CHCHD6: variants seen among roughly 807,000 people sequenced by gnomAD.
The protein encoded by CHCHD6 is MICOS complex subunit MIC25.
In CHCHD6, 28 loss-of-function variants were observed where a neutral mutation model predicts 32.3. The observed-to-expected ratio is 0.87, with a 90% confidence interval of 0.64 to 1.19. The LOEUF (loss-of-function observed/expected upper bound fraction) is 1.19, where lower values mean the gene tolerates loss of function less well. CHCHD6 is among the 50% of genes most tolerant of loss of function. The probability of loss-of-function intolerance (pLI) is 0.00; values close to 1 mark genes in which losing one functional copy is unlikely to be tolerated. For synonymous variants in CHCHD6, 122 were observed against 117.5 expected (o/e 1.04, Z -0.25); for missense variants, 333 against 307.0 (o/e 1.08, Z -0.63).
chr3:126,804,496 T>A (rs1266881370), intron 4 of CHCHD6, among the ~76,000 whole-genome samples: 1 of 152,068 alleles, frequency 6.6e-6, no homozygotes, highest in Non-Finnish European at 1.5e-5. Context: ...ACATACACCC[T>A]CCCAAGACTA....
Position 126,960,336 on chromosome 3 carries a change from T to C in CHCHD6, c.*135T>C. 3 of 1,018,988 alleles carry C rather than the reference T, an allele frequency of 2.9e-6. No individual in the cohort carries two copies. Among genetic ancestry groups the C allele is most frequent in the Non-Finnish European group, 4.4e-6 (3 of 676,412 alleles). 63.1% of individuals were successfully genotyped at this position (1,018,988 alleles called of 1,614,324 possible). A position where few individuals can be genotyped will look rare whatever the true frequency, so the allele number is the denominator to read the frequency against. On this transcript the variant is annotated 3_prime_UTR_variant, in exon 8 of 8. Transcript: ENST00000290913. Reference sequence around the variant, plus strand: ...TGCCCCTGAGCCTGGGGCTGCCACGTGTTTAGGAAACAAAGTATGCGCTAC... The same window carrying C: ...TGCCCCTGAGCCTGGGGCTGCCACGCGTTTAGGAAACAAAGTATGCGCTAC...
At chr3:126,815,773 C>G (rs1939870215) in intron 4 of CHCHD6, among the ~76,000 whole-genome samples, 1 of 152,042 alleles carries the variant, frequency 6.6e-6, no homozygotes, top group South Asian at 2.1e-4. Context: ...AATGACTTTC[C>G]TACATTTCTG....
chr3:126,856,371 G>A (rs906398459), intron 5 of CHCHD6, among the ~76,000 whole-genome samples: 4 of 152,158 alleles, frequency 2.6e-5, no homozygotes, highest in Non-Finnish European at 5.9e-5. Context: ...GGATCTCTGG[G>A]TTGGCCATTC....
intron 5 of CHCHD6, among the ~76,000 whole-genome samples, chr3:126,878,484 T>C (rs2077568034): frequency 6.6e-6 from 1 of 152,238 alleles, no homozygotes. Flanking sequence ...GAGCCACACT[T>C]AGAATGCACA....
Position 126,766,827 on chromosome 3 carries a change from A to G in CHCHD6, c.411+33605A>G, listed in dbSNP as rs560250171. ...TGGCAAAGGAGCAGGTGTAACCAGT[A>G]TAGATCTGGGACACCCGATGTCCAG... On this transcript the variant is annotated intron_variant, in intron 4 of 7. Coordinates refer to ENST00000290913, the MANE Select transcript of CHCHD6 (RefSeq NM_032343.3). 8.5e-4 allele frequency: 830 copies of G among 980,738 alleles called. 2 individuals are homozygous for G. Among genetic ancestry groups the G allele is most frequent in the Non-Finnish European group, 1.1e-3 (682 of 603,584 alleles). The allele number at this position is 980,738 out of a possible 1,614,324, so 60.8% of individuals were successfully genotyped here.
At chr3:126,720,977 C>T (rs931496028) in intron 1 of CHCHD6, among the ~76,000 whole-genome samples, 2 of 152,210 alleles carry the variant, frequency 1.3e-5, no homozygotes, top group African/African-American at 2.4e-5. Flanking sequence ...TTGTATTTAC[C>T]TACAATCAAA....
rs1941563243 is a variant in CHCHD6, at chr3:126,853,889, A to G, written c.495+1159A>G. Reference sequence around the variant, plus strand: ...AAGGGTAAAAAAAATTCCACCAGCCATAGCTCTAATTATCACAGTTGCCGA... The same window carrying G: ...AAGGGTAAAAAAAATTCCACCAGCCGTAGCTCTAATTATCACAGTTGCCGA... On this transcript the variant is annotated intron_variant, in intron 5 of 7. Coordinates refer to ENST00000290913, the MANE Select transcript of CHCHD6 (RefSeq NM_032343.3). 2.0e-5 allele frequency among the ~76,000 whole-genome samples: 3 copies of G among 152,214 alleles called. No individual in the cohort carries two copies. The South Asian group carries it at 6.2e-4, about 31-fold the overall frequency.
At chr3:126,945,549 C>T (rs11721085) in intron 6 of CHCHD6, among the ~76,000 whole-genome samples, 75,557 of 127,796 alleles carry the variant, frequency 0.59, 22,825 homozygotes, top group East Asian at 0.69. Flanking sequence ...AGACTCGGGA[C>T]GGGGAGACTC....
At chr3:126,933,918 C>G (rs2078440538) in intron 6 of CHCHD6, among the ~76,000 whole-genome samples, 1 of 152,240 alleles carries the variant, frequency 6.6e-6, no homozygotes, top group Non-Finnish European at 1.5e-5. Flanking sequence ...TCCACACATA[C>G]TGTCTCTCTC....
intron 5 of CHCHD6, among the ~76,000 whole-genome samples, chr3:126,869,859 C>T (rs1394050257): frequency 6.6e-6 from 1 of 152,140 alleles, no homozygotes; most frequent in African/African-American, 2.4e-5. Flanking sequence ...TGTTTTGGAT[C>T]TGTACTTATT....
chr3:126,717,297 A>G (rs1427141847), intron 1 of CHCHD6, among the ~76,000 whole-genome samples: 1 of 151,784 alleles, frequency 6.6e-6, no homozygotes, highest in Non-Finnish European at 1.5e-5. Context: ...TACAATCACA[A>G]CTCTCATCCT....
intron 5 of CHCHD6, among the ~76,000 whole-genome samples, chr3:126,863,900 A>C (rs865929020): frequency 0.058 from 1,589 of 27,246 alleles, no homozygotes; most frequent in African/African-American, 0.068. Context: ...TCCACCATCA[A>C]CACCTCCTCC....
intron 1 of CHCHD6, among the ~76,000 whole-genome samples, chr3:126,705,683 C>T (rs1202588040): frequency 6.6e-6 from 1 of 152,126 alleles, no homozygotes; most frequent in East Asian, 1.9e-4. Context: ...ATGAAACGCA[C>T]AGAGCTGGGT....
chr3:126,905,773 AG>A (rs2077996263), intron 5 of CHCHD6, among the ~76,000 whole-genome samples: 1 of 152,190 alleles, frequency 6.6e-6, no homozygotes, highest in Admixed American at 6.5e-5. Flanking sequence ...GCAAGGAGAC[AG>A]GGTTCTCTGA....
chr3:126,879,464 CT>C (rs2077580060), intron 5 of CHCHD6, among the ~76,000 whole-genome samples: 1 of 152,128 alleles, frequency 6.6e-6, no homozygotes, highest in Non-Finnish European at 1.5e-5. Flanking sequence ...AATTTTTTAC[CT>C]GAATCTAATA....
intron 5 of CHCHD6, among the ~76,000 whole-genome samples, chr3:126,873,950 G>T (rs2077508934): frequency 6.6e-6 from 1 of 152,196 alleles, no homozygotes. Flanking sequence ...CTCTACCCTT[G>T]CCTCCATTGT....
intron 5 of CHCHD6, among the ~76,000 whole-genome samples, chr3:126,898,520 T>C (rs1315705543): frequency 6.6e-6 from 1 of 151,932 alleles, no homozygotes; most frequent in African/African-American, 2.4e-5. Context: ...ATTTATTTAG[T>C]TAGTTAGTTT....
At chr3:126,729,135 TA>T (rs569526238) in intron 2 of CHCHD6, among the ~76,000 whole-genome samples, 3 of 151,594 alleles carry the variant, frequency 2.0e-5, no homozygotes, top group Admixed American at 6.6e-5. Context: ...AACCTTAAAT[TA>T]AAAAAAATAG....
chr3:126,833,482 CA>C, intron 4 of CHCHD6, among the ~76,000 whole-genome samples: 1 of 152,324 alleles, frequency 6.6e-6, no homozygotes, highest in African/African-American at 2.4e-5. Context: ...ATCATTCACA[CA>C]GTGCTTTGCA....
Sources: gnomAD v4.1 joint callset for allele counts (sites outside exome capture counted in the v4.1 genomes callset) on GRCh38, gnomAD v4.1.1 for gene constraint, MANE v1.5 for transcripts, NCBI Gene and HGNC (gene_info 2026-07-23, HGNC 2026-07-21) for gene names.